KALRN: variants seen among roughly 807,000 people sequenced by gnomAD.
The protein encoded by KALRN is kalirin.
A neutral mutation model predicts 353.7 loss-of-function variants in KALRN; 70 were observed. The observed-to-expected ratio is 0.20, with a 90% CI of 0.16 to 0.24. The LOEUF (loss-of-function observed/expected upper bound fraction) is 0.24. KALRN is among the 10% of genes least tolerant of loss of function. KALRN has a pLI of 1.00. For missense variants in KALRN, 2,791 were observed against 3,756.7 expected (o/e 0.74, Z 6.72); for synonymous variants, 1,391 against 1,434.8 (o/e 0.97, Z 0.69).
At chr3:124,249,462 C>A (rs1315019180) in intron 3 of KALRN, among the ~76,000 whole-genome samples, 2 of 152,162 alleles carry the variant, frequency 1.3e-5, no homozygotes, top group Non-Finnish European at 2.9e-5. Flanking sequence ...AGAGGTCTGC[C>A]AGGCCAACTC....
Position 124,690,555 on chromosome 3 carries a change from A to G in KALRN, c.7378-3249A>G, listed in dbSNP as rs181121481. ...AGCAGGTAGGCCTTTGATGTCAATG[A>G]CAAAGTTTCACAATGCTTTTCCTAA... is the stretch of plus-strand genomic sequence containing the variant. On this transcript the variant is annotated intron_variant, in intron 51 of 59. Transcript: ENST00000682506. 3.8e-3 allele frequency among the ~76,000 whole-genome samples: 574 copies of G among 152,260 alleles called. 4 individuals are homozygous for G. The highest frequency in any genetic ancestry group is 0.013 in the African/African-American group (541 of 41,522).
rs570294342 is a variant in KALRN at position 124,338,386 on chromosome 3, A to G, written c.1647+3891A>G. Among the ~76,000 whole-genome samples, 9 of 152,080 alleles carry G rather than the reference A, an allele frequency of 5.9e-5. No homozygotes were observed. The East Asian group carries it at 1.7e-3, about 29-fold the overall frequency. The stretch of plus-strand genomic sequence containing the variant: ...ACTTCTTTATTTCTGCCTTAATTTC[A>G]TTATTTACCCAGTAGTCATTCAGGA... On this transcript the variant is annotated intron_variant, in intron 9 of 59. Transcript: ENST00000682506.
At chr3:124,645,523 G>C (rs1049891789) in intron 37 of KALRN, among the ~76,000 whole-genome samples, 1 of 152,054 alleles carries the variant, frequency 6.6e-6, no homozygotes, top group Admixed American at 6.6e-5. Flanking sequence ...TAAGGAAGGG[G>C]TCCACTTTCA....
At chr3:124,095,749 T>C (rs1246143408) in intron 1 of KALRN, 2 of 152,200 alleles carry the variant, frequency 1.3e-5, no homozygotes, top group Admixed American at 1.3e-4. Flanking sequence ...ACTTGTTTGG[T>C]AATTGATTTT....
At chr3:124,409,963 A>G (rs1446401321) in intron 13 of KALRN, among the ~76,000 whole-genome samples, 1 of 152,152 alleles carries the variant, frequency 6.6e-6, no homozygotes, top group Non-Finnish European at 1.5e-5. Flanking sequence ...GGGCAGCCTT[A>G]GGAGGAGGCC....
At chr3:124,487,533 G>A (rs552426871) in intron 28 of KALRN, among the ~76,000 whole-genome samples, 1 of 152,294 alleles carries the variant, frequency 6.6e-6, no homozygotes, top group Admixed American at 6.5e-5. Flanking sequence ...TATATAACCT[G>A]AGGAAAATCA....
At position 124,517,087 on chromosome 3, in the gene KALRN, A is replaced by G. The variant is rs568805564; in HGVS notation, c.4935+20674A>G. On this transcript the variant is annotated intron_variant, in intron 33 of 59. Coordinates refer to ENST00000682506, the MANE Select transcript of KALRN (RefSeq NM_001388419.1). ...CTCCTCAGCCTCCCAAAGTTCTAGG[A>G]TTACAGGCGTGAGCCACCATGCCCG... 2.0e-5 allele frequency among the ~76,000 whole-genome samples: 3 copies of G among 152,260 alleles called. No individual in the cohort carries two copies. The South Asian group carries it at 6.2e-4, about 32-fold the overall frequency.
At chr3:124,217,688 C>T (rs2077474755) in intron 1 of KALRN, among the ~76,000 whole-genome samples, 1 of 152,114 alleles carries the variant, frequency 6.6e-6, no homozygotes, top group Non-Finnish European at 1.5e-5. Context: ...GGACAGCAGC[C>T]ACTCCAAGTA....
At chr3:124,595,951 T>C (rs1379089631) in intron 34 of KALRN, among the ~76,000 whole-genome samples, 1 of 152,168 alleles carries the variant, frequency 6.6e-6, no homozygotes, top group Admixed American at 6.5e-5. Flanking sequence ...ATCATGATGA[T>C]TACGAACTTG....
At position 124,483,885 on chromosome 3, in the gene KALRN, A is replaced by G. The variant is rs769972957; in HGVS notation, c.4284+985A>G. On this transcript the variant is annotated intron_variant, in intron 28 of 59. Transcript: ENST00000682506. ...TTGTCATATAAGAATGCATTGATACATTGAAAATAATGTCATTTCCACAGA... is the reference window on the plus strand; with the variant it reads ...TTGTCATATAAGAATGCATTGATACGTTGAAAATAATGTCATTTCCACAGA... Among the ~76,000 whole-genome samples the G allele has an allele frequency of 2.2e-3, 333 of 152,196 alleles. 1 individual carries two copies. Among genetic ancestry groups the G allele is most frequent in the Non-Finnish European group, 3.7e-3 (252 of 68,044 alleles).
At chr3:124,537,270 G>A (rs776758124) in intron 33 of KALRN, among the ~76,000 whole-genome samples, 5 of 152,152 alleles carry the variant, frequency 3.3e-5, no homozygotes, top group Non-Finnish European at 7.4e-5. Context: ...TTGAACTCCC[G>A]ACCTAAGGTG....
At chr3:124,134,236 A>C (rs540950265) in intron 1 of KALRN, among the ~76,000 whole-genome samples, 3 of 152,196 alleles carry the variant, frequency 2.0e-5, no homozygotes, top group Admixed American at 6.5e-5. Flanking sequence ...AAATACTTAC[A>C]ACCAACTGAT....
At chr3:124,629,716 A>G (rs1341977415) in intron 34 of KALRN, among the ~76,000 whole-genome samples, 1 of 152,214 alleles carries the variant, frequency 6.6e-6, no homozygotes, top group Non-Finnish European at 1.5e-5. Flanking sequence ...GCTAAAGTCC[A>G]TACCAGCCCT....
chr3:124,661,074 G>A (rs2084811910), intron 44 of KALRN, 101 bp downstream of exon 44: 2 of 916,298 alleles, frequency 2.2e-6, no homozygotes. Context: ...GGATCCAGGT[G>A]GACCCCTCTC....
chr3:124,420,722 GA>G (rs967642624), intron 14 of KALRN, among the ~76,000 whole-genome samples: 9 of 151,902 alleles, frequency 5.9e-5, no homozygotes, highest in Non-Finnish European at 1.2e-4. Context: ...TGTAACACCA[GA>G]AAAAAAAGGT....
At chr3:124,474,604 A>G (rs746485339) in intron 25 of KALRN, 59 bp from the exon 26 acceptor site, 22 of 1,374,426 alleles carry the variant, frequency 1.6e-5, no homozygotes, top group South Asian at 4.6e-5. Flanking sequence ...CCTCAGTGCA[A>G]TCCTCTGGGG....
chr3:124,620,745 G>A (rs969995798), intron 34 of KALRN, among the ~76,000 whole-genome samples: 9 of 152,222 alleles, frequency 5.9e-5, no homozygotes, highest in African/African-American at 2.2e-4. Context: ...GTGTTTTCAG[G>A]AAGTGCTTAT....
chr3:124,342,845 A>G (rs2081902308), intron 9 of KALRN, among the ~76,000 whole-genome samples: 1 of 152,000 alleles, frequency 6.6e-6, no homozygotes, highest in Non-Finnish European at 1.5e-5. Context: ...AAAGGGAAAA[A>G]AATCTTAAGG....
chr3:124,298,831 A>G lies in KALRN; in HGVS notation c.1010A>G (p.Gln337Arg), dbSNP rs758361379. 1.2e-6 allele frequency: 2 copies of G among 1,614,162 alleles called. No homozygotes were observed. The highest frequency in any genetic ancestry group is 2.2e-5 in the South Asian group (2 of 91,082). Reference sequence around the variant, plus strand: ...AGCCACAACAAGGAGTTATTCCTCCAGAGCCACACGGAGATCGGAGTCAGC... The same window carrying G: ...AGCCACAACAAGGAGTTATTCCTCCGGAGCCACACGGAGATCGGAGTCAGC... ...WISHNKELFL[Q>R]SHTEIGVSYQ... Residue 337 changes from glutamine to arginine, a missense_variant, in exon 6 of 60, where the codon CAG (glutamine) becomes CGG (arginine). Gln to Arg is a conservative substitution (Grantham distance 43). This residue lies in a region of KALRN where 366 missense variants were observed against 489.2 expected (regional missense o/e 0.75). Coordinates refer to ENST00000682506, the MANE Select transcript of KALRN (RefSeq NM_001388419.1).
Sources: gnomAD v4.1 joint callset for allele counts (sites outside exome capture counted in the v4.1 genomes callset) on GRCh38, gnomAD v4.1.1 for gene constraint, gnomAD v4.1.1 regional missense constraint, MANE v1.5 for transcripts, NCBI Gene and HGNC (gene_info 2026-07-23, HGNC 2026-07-21) for gene names.